The following HK1 variants were observed in gnomAD, a reference collection of about 807,000 sequenced individuals.
HK1 encodes the protein hexokinase 1.
A neutral mutation model predicts 91.6 loss-of-function variants in HK1; 28 were observed. The observed-to-expected ratio is 0.31, with a 90% CI of 0.23 to 0.42. The LOEUF (loss-of-function observed/expected upper bound fraction) is 0.42. HK1 is among the 10% of genes least tolerant of loss of function. The pLI, the probability that HK1 is intolerant of heterozygous loss-of-function variation, is 1.00. For missense variants in HK1, 770 were observed against 1,219.8 expected (o/e 0.63, Z 5.49); for synonymous variants, 430 against 468.1 (o/e 0.92, Z 1.05).
At position 69,369,992 on chromosome 10, in the gene HK1, C is replaced by G. The variant is rs1409119046; in HGVS notation, c.875+368C>G. ...ACTTCAAGCGATCTGCCTGCCTCAG[C>G]CTCCCAAAATGCTGGGGTTACAGGC... On this transcript the variant is annotated intron_variant, in intron 7 of 17. Coordinates refer to ENST00000359426, the MANE Select transcript of HK1 (RefSeq NM_000188.3). This position sits in a 1 kb window ranked among gnomAD's most constrained non-coding sequence, Gnocchi z 4.4. Among the ~76,000 whole-genome samples, 1 of 152,210 alleles carries G rather than the reference C, an allele frequency of 6.6e-6. No homozygotes were observed. Among genetic ancestry groups the G allele is most frequent in the Non-Finnish European group, 1.5e-5 (1 of 68,032 alleles).
intron 1 of HK1, among the ~76,000 whole-genome samples, chr10:69,274,921 T>G (rs1844357139): frequency 1.3e-5 from 2 of 152,066 alleles, no homozygotes; most frequent in South Asian, 4.2e-4. Flanking sequence ...CCCCAACCCA[T>G]GCCGAGACTC....
intron 4 of HK1, among the ~76,000 whole-genome samples, chr10:69,366,511 G>A (rs1414442453): frequency 2.0e-5 from 3 of 152,100 alleles, no homozygotes; most frequent in Admixed American, 1.3e-4. Context: ...TCTCCCCAGG[G>A]TCACAGGGCT....
At chr10:69,344,382 T>C (rs915908585) in intron 2 of HK1, among the ~76,000 whole-genome samples, 1 of 152,086 alleles carries the variant, frequency 6.6e-6, no homozygotes, top group Admixed American at 6.5e-5. Flanking sequence ...AAATGAAGGG[T>C]TCATTTTAGG....
intron 3 of HK1, among the ~76,000 whole-genome samples, chr10:69,291,312 G>T (rs1313440031): frequency 6.6e-6 from 1 of 152,246 alleles, no homozygotes; most frequent in East Asian, 1.9e-4. Flanking sequence ...AGGAGCACAG[G>T]TTCTGGGATC....
rs1839318971 is a variant in HK1 at position 69,380,181 on chromosome 10, A to C, written c.1265+86A>C. The C allele has an allele frequency of 9.7e-6, 11 of 1,134,654 alleles. No homozygotes were observed. Among genetic ancestry groups the C allele is most frequent in the Non-Finnish European group, 1.3e-5 (10 of 758,280 alleles). The allele number at this position is 1,134,654 out of a possible 1,614,324, so 70.3% of individuals were successfully genotyped here. ...AGAGATCAGACTTTTGTACCCGGTA[A>C]ACGTTTTTCGGCAGACAAGACAATG... On this transcript the variant is annotated intron_variant, in intron 9 of 17. Coordinates refer to ENST00000359426, the MANE Select transcript of HK1 (RefSeq NM_000188.3). This position sits in a 1 kb window ranked among gnomAD's most constrained non-coding sequence, Gnocchi z 4.0.
intron 1 of HK1, among the ~76,000 whole-genome samples, chr10:69,329,140 G>A (rs1847550378): frequency 1.3e-5 from 2 of 149,586 alleles, no homozygotes; most frequent in African/African-American, 2.5e-5. Context: ...ATTTTTTTTT[G>A]TATAGACATG....
At chr10:69,396,306 AT>A (rs1840135373) in intron 16 of HK1, among the ~76,000 whole-genome samples, 1 of 151,980 alleles carries the variant, frequency 6.6e-6, no homozygotes, top group African/African-American at 2.4e-5. Flanking sequence ...AAGAAAAAAA[AT>A]ATTAAACCTT....
intron 17 of HK1, 81 bp downstream of exon 17, chr10:69,398,909 T>TGATA: frequency 9.0e-7 from 1 of 1,106,170 alleles, no homozygotes; most frequent in Admixed American, 1.9e-5. Context: ...TGGTTTACGC[T>TGATA]GGGGAAATGC....
At chr10:69,348,525 T>C (rs1016386652) in intron 2 of HK1, among the ~76,000 whole-genome samples, 37 of 152,136 alleles carry the variant, frequency 2.4e-4, no homozygotes, top group African/African-American at 7.5e-4. Flanking sequence ...AATTAATTCA[T>C]TGAGGCTGGG....
chr10:69,358,051 C>T (rs1190799284), intron 2 of HK1, among the ~76,000 whole-genome samples: 1 of 152,100 alleles, frequency 6.6e-6, no homozygotes, highest in Non-Finnish European at 1.5e-5. Flanking sequence ...AGATCTTTCC[C>T]TGCCTAGGAA....
At chr10:69,293,073 A>G (rs1816796085) in intron 3 of HK1, among the ~76,000 whole-genome samples, 1 of 151,956 alleles carries the variant, frequency 6.6e-6, no homozygotes, top group African/African-American at 2.4e-5. Flanking sequence ...TGCTGGCTAC[A>G]CTCCCAACAC....
chr10:69,337,674 G>A (rs1848059358), intron 1 of HK1, among the ~76,000 whole-genome samples: 1 of 152,188 alleles, frequency 6.6e-6, no homozygotes, highest in Non-Finnish European at 1.5e-5. Flanking sequence ...CAGGGTGCAC[G>A]CCACAATTTC....
At chr10:69,320,413 CTG>C (rs1846939190) in intron 1 of HK1, among the ~76,000 whole-genome samples, 1 of 152,138 alleles carries the variant, frequency 6.6e-6, no homozygotes, top group African/African-American at 2.4e-5. Flanking sequence ...TTTAAGCACT[CTG>C]GGGTTGTCAA....
At chr10:69,362,163 A>C (rs1849457010) in intron 3 of HK1, among the ~76,000 whole-genome samples, 1 of 152,228 alleles carries the variant, frequency 6.6e-6, no homozygotes, top group African/African-American at 2.4e-5. Context: ...TTTGAATAGT[A>C]AATGTTTTAA....
At chr10:69,271,627 C>T (rs1179572749) in intron 1 of HK1, among the ~76,000 whole-genome samples, 2 of 151,594 alleles carry the variant, frequency 1.3e-5, no homozygotes, top group Non-Finnish European at 2.9e-5. Context: ...ACAGGTGCCT[C>T]CCACCACGCC....
intron 2 of HK1, among the ~76,000 whole-genome samples, chr10:69,355,395 C>T (rs1849078589): frequency 6.6e-6 from 1 of 152,146 alleles, no homozygotes; most frequent in Non-Finnish European, 1.5e-5. Flanking sequence ...AATTTCACTG[C>T]CAATTTCAAA....
chr10:69,314,202 C>A (rs1035520326), upstream of HK1, among the ~76,000 whole-genome samples: 5 of 152,252 alleles, frequency 3.3e-5, no homozygotes, highest in Admixed American at 2.0e-4. Context: ...TCATTTTAGA[C>A]ATTTCTTCCA....
At chr10:69,353,665 G>A (rs951053642) in intron 2 of HK1, among the ~76,000 whole-genome samples, 2 of 150,986 alleles carry the variant, frequency 1.3e-5, no homozygotes, top group Non-Finnish European at 2.9e-5. Flanking sequence ...GAATGACTGA[G>A]TTCTGGTAGC....
intron 2 of HK1, among the ~76,000 whole-genome samples, chr10:69,355,866 A>T (rs1207112580): frequency 3.3e-5 from 5 of 152,168 alleles, no homozygotes; most frequent in Non-Finnish European, 1.5e-5. Flanking sequence ...GAATGCTAGG[A>T]CTATTCAATG....
Sources: allele counts gnomAD v4.1 joint callset (sites outside exome capture counted in the v4.1 genomes callset), GRCh38; gene constraint gnomAD v4.1.1; non-coding constraint Gnocchi (gnomAD v3.1); transcripts MANE v1.5; gene names NCBI Gene and HGNC (gene_info 2026-07-23, HGNC 2026-07-21).